KDM2A: variants seen among roughly 807,000 people sequenced by gnomAD.
The protein encoded by KDM2A is lysine demethylase 2A.
Under a neutral mutation model 137.3 loss-of-function variants are expected in KDM2A, and 3 were observed. The observed-to-expected ratio is 0.02, with a 90% CI of 0.01 to 0.06. The LOEUF is 0.06. Ranked by LOEUF, KDM2A falls within the 10% of genes least tolerant of loss-of-function variation. The pLI is 1.00. For missense variants in KDM2A, 738 were observed against 1,510.6 expected, an observed-to-expected ratio of 0.49 and a Z score of 8.48; for synonymous variants, 512 against 541.5, an observed-to-expected ratio of 0.95 and a Z score of 0.76.
At chr11:67,214,207 A>ATTT (rs58629654) in intron 6 of KDM2A, among the ~76,000 whole-genome samples, 2 of 103,330 alleles carry the variant, frequency 1.9e-5, no homozygotes, top group South Asian at 3.0e-4. Context: ...TGCGCAGCTA[A>ATTT]TTTTTTTTTT....
At chr11:67,200,700 T>A (rs1486196079) in intron 5 of KDM2A, among the ~76,000 whole-genome samples, 1 of 151,350 alleles carries the variant, frequency 6.6e-6, no homozygotes, top group Non-Finnish European at 1.5e-5. Flanking sequence ...AGAGACACAG[T>A]TTGACCCTGT....
chr11:67,171,139 T>C (rs1856873345), intron 2 of KDM2A, among the ~76,000 whole-genome samples: 1 of 152,184 alleles, frequency 6.6e-6, no homozygotes, highest in African/African-American at 2.4e-5. Context: ...GAATGGGAAT[T>C]GCTTAAGCTG....
chr11:67,222,938 A>T (rs1858411095), intron 10 of KDM2A, among the ~76,000 whole-genome samples: 1 of 151,798 alleles, frequency 6.6e-6, no homozygotes, highest in South Asian at 2.1e-4. Flanking sequence ...TCACACCTGT[A>T]ATCCCAACAC....
intron 10 of KDM2A, among the ~76,000 whole-genome samples, chr11:67,221,146 G>T (rs528401581): frequency 1.3e-5 from 2 of 152,210 alleles, no homozygotes; most frequent in South Asian, 4.1e-4. Flanking sequence ...TTATTTTTTA[G>T]CAGAATTCTA....
In KDM2A at chr11:67,245,908, C is replaced by A; in HGVS notation, c.1834-77C>A. The A allele has an allele frequency of 6.5e-7, 1 of 1,538,398 alleles. No individual in the cohort carries two copies. The highest frequency in any genetic ancestry group is 8.9e-7 in the Non-Finnish European group (1 of 1,122,406). ...AGAGAATTATAGGACCCAAATCTCC[C>A]ATCTTCAGTTTAAGGGAAACTGAAA... On this transcript the variant is annotated intron_variant, in intron 14 of 20. Coordinates refer to ENST00000529006, the MANE Select transcript of KDM2A (RefSeq NM_012308.3). The surrounding 1 kb of genome is among the most constrained non-coding windows in gnomAD (Gnocchi z 4.1).
intron 2 of KDM2A, among the ~76,000 whole-genome samples, chr11:67,128,357 A>G (rs983078827): frequency 2.0e-5 from 3 of 151,994 alleles, no homozygotes; most frequent in African/African-American, 7.2e-5. Context: ...AGAATGGACT[A>G]GATAAAATAG....
intron 2 of KDM2A, among the ~76,000 whole-genome samples, chr11:67,165,184 C>T (rs909468196): frequency 9.9e-5 from 15 of 151,716 alleles, no homozygotes; most frequent in Middle Eastern, 3.4e-3. Flanking sequence ...TGCAGTGGCG[C>T]GATCTTGGCT....
At chr11:67,136,369 C>CT (rs879525923) in intron 2 of KDM2A, among the ~76,000 whole-genome samples, 2 of 152,182 alleles carry the variant, frequency 1.3e-5, no homozygotes, top group Admixed American at 1.3e-4. Flanking sequence ...TCTTCATCAA[C>CT]TTTGTTGGGA....
rs1223120815 is a variant in KDM2A, at chr11:67,248,314, C to T, written c.1999C>T (p.Pro667Ser). Residue 667 changes from proline to serine, a missense_variant, in exon 16 of 21, where the codon CCA (proline) becomes TCA (serine). Pro to Ser is a moderately conservative substitution (Grantham distance 74, BLOSUM62 -1). Around this residue, in one of 9 missense-constraint regions of KDM2A, gnomAD observed 20 missense variants for 62.3 expected, o/e 0.32. Transcript: ENST00000529006. ...DGEGLLNEEL[P>S]NCWECPKCYQ... ...AGAGGGGTTGCTTAACGAAGAATTG[C>T]CAAATTGCTGGGAATGTCCAAAGTG... The T allele has an allele frequency of 1.2e-6, 2 of 1,608,784 alleles. No individual in the cohort carries two copies. Among genetic ancestry groups the T allele is most frequent in the South Asian group, 2.2e-5 (2 of 89,588 alleles).
At chr11:67,170,151 G>A (rs1856847515) in intron 2 of KDM2A, among the ~76,000 whole-genome samples, 1 of 152,028 alleles carries the variant, frequency 6.6e-6, no homozygotes, top group Non-Finnish European at 1.5e-5. Context: ...TAAATGTACC[G>A]AGTTCAAACA....
intron 5 of KDM2A, among the ~76,000 whole-genome samples, chr11:67,199,159 A>G (rs1236003929): frequency 2.6e-5 from 4 of 152,130 alleles, no homozygotes; most frequent in Non-Finnish European, 4.4e-5. Flanking sequence ...CAGACTTGAA[A>G]TGTTGTATAT....
At chr11:67,139,419 A>G (rs1389819172) in intron 2 of KDM2A, among the ~76,000 whole-genome samples, 3 of 151,944 alleles carry the variant, frequency 2.0e-5, no homozygotes, top group East Asian at 3.9e-4. Flanking sequence ...ACATTTTTGT[A>G]TTTTTGGTAG....
chr11:67,252,548 C>CA (rs1300139590), intron 17 of KDM2A, 146 bp from the exon 18 acceptor site: 11 of 907,560 alleles, frequency 1.2e-5, no homozygotes, highest in Non-Finnish European at 1.9e-5. Context: ...TTCTGTGAGG[C>CA]AAAAAATGAT....
At position 67,252,687 on chromosome 11, in the gene KDM2A, A is replaced by G. The variant is rs753687697; in HGVS notation, c.2769-7A>G. 3.5e-5 allele frequency: 56 copies of G among 1,613,820 alleles called. No homozygotes were observed. Among genetic ancestry groups the G allele is most frequent in the African/African-American group, 4.0e-5 (3 of 74,908 alleles). On this transcript the variant is annotated splice_region_variant and splice_polypyrimidine_tract_variant and intron_variant, in intron 17 of 20. Transcript: ENST00000529006. ...ATGAAGGCGAGTTCTCTTCCCTTCT[A>G]TCACAGGTGCTGCGACAAGAGACTT...
At chr11:67,166,292 C>G (rs577527580) in intron 2 of KDM2A, among the ~76,000 whole-genome samples, 149 of 147,904 alleles carry the variant, frequency 1.0e-3, no homozygotes, top group African/African-American at 3.6e-3. Flanking sequence ...TCAAGTGATT[C>G]TCGTGCCTCA....
chr11:67,245,302 G>T lies in KDM2A; in HGVS notation c.1677G>T (p.Pro559=), dbSNP rs368536747. The T allele has an allele frequency of 6.2e-7, 1 of 1,613,928 alleles. No individual in the cohort carries two copies. Among genetic ancestry groups the T allele is most frequent in the Non-Finnish European group, 8.5e-7 (1 of 1,179,914 alleles). The change falls in exon 14 of 21, where the codon CCG becomes CCT. Residue 559 remains proline, a synonymous_variant. Transcript: ENST00000529006. The surrounding 1 kb of genome is among the most constrained non-coding windows in gnomAD (Gnocchi z 4.1). The part of the protein sequence containing the change: ...LTPVRPAAAS[P]IVSGARRRRV... ...CTGTGAGGCCAGCTGCTGCCTCCCCGATTGTGTCAGGAGCCAGACGGAGAC... is the reference window on the plus strand; with the variant it reads ...CTGTGAGGCCAGCTGCTGCCTCCCCTATTGTGTCAGGAGCCAGACGGAGAC...
chr11:67,155,937 T>TAAAAAA lies in KDM2A; in HGVS notation c.43-24127_43-24122dup, dbSNP rs770113717. ...GGCCGGTTTTTATTTTTTAAACGGC[T>TAAAAAA]AAAAAAAAAAAAAAAAAAAATCACA... On this transcript the variant is annotated intron_variant, in intron 2 of 20. Transcript: ENST00000529006. Among the ~76,000 whole-genome samples, 5 of 104,280 alleles carry TAAAAAA rather than the reference T, an allele frequency of 4.8e-5. 1 individual carries two copies. Among genetic ancestry groups the TAAAAAA allele is most frequent in the Non-Finnish European group, 9.1e-5 (5 of 54,744 alleles). 68.4% of individuals were successfully genotyped at this position (104,280 alleles called of 152,430 possible). A position where few individuals can be genotyped will look rare whatever the true frequency, so the allele number is the denominator to read the frequency against.
intron 5 of KDM2A, among the ~76,000 whole-genome samples, chr11:67,202,439 A>G (rs575923068): frequency 1.3e-5 from 2 of 152,254 alleles, no homozygotes; most frequent in Admixed American, 1.3e-4. Context: ...TTGTGAAAGG[A>G]AGTATCAATC....
chr11:67,202,171 A>G (rs552040098), intron 5 of KDM2A, among the ~76,000 whole-genome samples: 14 of 152,318 alleles, frequency 9.2e-5, no homozygotes, highest in African/African-American at 2.9e-4. Context: ...AATTGCTGCA[A>G]TCTATAATGA....
Sources: allele counts gnomAD v4.1 joint callset (sites outside exome capture counted in the v4.1 genomes callset), GRCh38; gene constraint gnomAD v4.1.1; regional missense constraint gnomAD v4.1.1; non-coding constraint Gnocchi (gnomAD v3.1); transcripts MANE v1.5; gene names NCBI Gene and HGNC (gene_info 2026-07-23, HGNC 2026-07-21).